Variants in ABCA5 observed in about 807,000 individuals in gnomAD.
The protein encoded by ABCA5 is cholesterol transporter ABCA5.
In ABCA5, 163 loss-of-function variants were observed where a neutral mutation model predicts 206.0. The observed-to-expected ratio is 0.79, with a 90% CI of 0.70 to 0.90. The LOEUF is 0.90. ABCA5 is among the 40% of genes least tolerant of loss of function. The pLI, the probability that ABCA5 is intolerant of heterozygous loss-of-function variation, is 0.00. For synonymous variants in ABCA5, 609 were observed against 613.8 expected (o/e 0.99, Z 0.11); for missense variants, 1,859 against 1,912.9 (o/e 0.97, Z 0.53).
At position 69,286,209 on chromosome 17, in the gene ABCA5, A is replaced by G; in HGVS notation, c.2132+12T>C. On this transcript the variant is annotated intron_variant, in intron 16 of 38. Transcript: ENST00000392676. ...TATAATATAGAATAATGTCAATAAA[A>G]ATGAATGATACCTCAGGCGGTAGCC... is the stretch of plus-strand genomic sequence containing the variant. 1 of 1,599,846 alleles carries G rather than the reference A, an allele frequency of 6.3e-7. No homozygotes were observed. Among genetic ancestry groups the G allele is most frequent in the South Asian group, 1.1e-5 (1 of 88,398 alleles).
chr17:69,279,572 C>A (rs2075369308), intron 18 of ABCA5, among the ~76,000 whole-genome samples: 1 of 151,794 alleles, frequency 6.6e-6, no homozygotes, highest in African/African-American at 2.4e-5. Flanking sequence ...CCCGCATCGC[C>A]AAGTCAATCC....
At chr17:69,254,649 G>C (rs1376982483) in intron 31 of ABCA5, among the ~76,000 whole-genome samples, 159 bp from the exon 32 acceptor site, 1 of 151,958 alleles carries the variant, frequency 6.6e-6, no homozygotes, top group East Asian at 1.9e-4. Flanking sequence ...AAGTAACTGA[G>C]ACTACAAACA....
intron 9 of ABCA5, among the ~76,000 whole-genome samples, chr17:69,300,171 G>A (rs867552836): frequency 1.3e-5 from 2 of 152,216 alleles, no homozygotes; most frequent in Non-Finnish European, 2.9e-5. Flanking sequence ...CCATCTGGGG[G>A]TGATGGGAGA....
Position 69,326,883 on chromosome 17 carries a change from G to A in ABCA5, c.-16+169C>T, listed in dbSNP as rs2075900166. On this transcript the variant is annotated intron_variant, in intron 1 of 38. Transcript: ENST00000392676. The surrounding 1 kb of genome is among the most constrained non-coding windows in gnomAD (Gnocchi z 4.8). ...GGAGGTCTGTTTCCCTCAGCTCGCC[G>A]CCTCTGCCCGCTTCCGAGCCCGCTT... Among the ~76,000 whole-genome samples, 1 of 151,916 alleles carries A rather than the reference G, an allele frequency of 6.6e-6. No individual in the cohort carries two copies. Among genetic ancestry groups the A allele is most frequent in the Non-Finnish European group, 1.5e-5 (1 of 67,940 alleles).
chr17:69,293,833 G>GGTGT (rs61315865), intron 11 of ABCA5, among the ~76,000 whole-genome samples: 14,155 of 123,004 alleles, frequency 0.12, 711 homozygotes, highest in Non-Finnish European at 0.13. Context: ...CAATCATACT[G>GGTGT]GTGTGTGTGT....
chr17:69,269,648 G>C (rs1419801169), intron 22 of ABCA5, among the ~76,000 whole-genome samples: 1 of 152,104 alleles, frequency 6.6e-6, no homozygotes, highest in Admixed American at 6.5e-5. Context: ...TAACCCAAAT[G>C]CCATCAACTG....
chr17:69,292,040 T>G (rs1275468603), intron 11 of ABCA5, among the ~76,000 whole-genome samples: 4 of 152,054 alleles, frequency 2.6e-5, no homozygotes, highest in Non-Finnish European at 5.9e-5. Flanking sequence ...GCTTGGGAAG[T>G]CAGGGCTATG....
At chr17:69,276,628 G>C (rs932051212) in intron 19 of ABCA5, among the ~76,000 whole-genome samples, 31 of 152,082 alleles carry the variant, frequency 2.0e-4, no homozygotes, top group Non-Finnish European at 4.6e-4. Context: ...CACAAGGAGG[G>C]GAACATCACA....
intron 1 of ABCA5, among the ~76,000 whole-genome samples, chr17:69,321,209 A>G (rs2075862548): frequency 6.6e-6 from 1 of 152,018 alleles, no homozygotes; most frequent in African/African-American, 2.4e-5. Context: ...CCAAAACTAA[A>G]GGGTTAATAT....
Position 69,286,050 on chromosome 17 carries a change from A to G in ABCA5, c.2133-13T>C, listed in dbSNP as rs1239211992. ...GTCTATGTACATGCTAGAGAATACC[A>G]AAAATCACAATTAATGATTATACAA... is the stretch of plus-strand genomic sequence containing the variant. On this transcript the variant is annotated splice_polypyrimidine_tract_variant and intron_variant, in intron 16 of 38. Coordinates refer to ENST00000392676, the MANE Select transcript of ABCA5 (RefSeq NM_172232.4). 6.3e-7 allele frequency: 1 copy of G among 1,596,800 alleles called. No individual in the cohort carries two copies. Among genetic ancestry groups the G allele is most frequent in the Non-Finnish European group, 8.5e-7 (1 of 1,175,496 alleles).
intron 35 of ABCA5, 133 bp downstream of exon 35, chr17:69,251,614 T>C: frequency 3.3e-6 from 4 of 1,216,284 alleles, no homozygotes; most frequent in Non-Finnish European, 4.4e-6. Flanking sequence ...CAAGTCAATC[T>C]ATCAAAAGCT....
intron 22 of ABCA5, among the ~76,000 whole-genome samples, chr17:69,268,298 C>G (rs898819654): frequency 6.6e-6 from 1 of 152,072 alleles, no homozygotes; most frequent in African/African-American, 2.4e-5. Context: ...AATCATTTTA[C>G]TTTCATTTTC....
chr17:69,275,837 T>C (rs2075325750), intron 19 of ABCA5, among the ~76,000 whole-genome samples: 1 of 152,126 alleles, frequency 6.6e-6, no homozygotes, highest in Admixed American at 6.5e-5. Context: ...GGGGTCCCCA[T>C]GATGGGATTA....
chr17:69,301,011 A>C, intron 9 of ABCA5, 128 bp downstream of exon 9: 1 of 754,010 alleles, frequency 1.3e-6, no homozygotes, highest in Non-Finnish European at 2.0e-6. Context: ...AGTCAAATTA[A>C]AAGCTTTAAC....
chr17:69,267,720 T>C (rs2075226301), intron 23 of ABCA5, among the ~76,000 whole-genome samples: 1 of 152,110 alleles, frequency 6.6e-6, no homozygotes, highest in Non-Finnish European at 1.5e-5. Flanking sequence ...TACCTCACAA[T>C]GTTGTGAGAA....
chr17:69,316,438 G>A (rs946656058), intron 1 of ABCA5, among the ~76,000 whole-genome samples: 3 of 151,552 alleles, frequency 2.0e-5, no homozygotes, highest in African/African-American at 7.3e-5. Flanking sequence ...AGTGAGCCCA[G>A]ATTGTTCCAC....
chr17:69,294,521 CA>C (rs951737493), intron 11 of ABCA5, 133 bp downstream of exon 11: 191 of 842,140 alleles, frequency 2.3e-4, no homozygotes, highest in South Asian at 2.4e-4. Context: ...GACTCCATCT[CA>C]AAAAAAATAA....
intron 1 of ABCA5, 169 bp from the exon 2 acceptor site, chr17:69,314,599 C>T: frequency 2.0e-6 from 1 of 507,760 alleles, no homozygotes; most frequent in South Asian, 3.1e-5. Flanking sequence ...AGCAATCTGT[C>T]AGCTCTGAAA....
At chr17:69,285,857 G>A (rs371216724) in intron 17 of ABCA5, 41 bp downstream of exon 17, 11 of 1,568,934 alleles carry the variant, frequency 7.0e-6, no homozygotes, top group Non-Finnish European at 9.5e-6. Context: ...CCCAATATAG[G>A]ATCCCAGTTC....
Sources: allele counts gnomAD v4.1 joint callset (sites outside exome capture counted in the v4.1 genomes callset), GRCh38; gene constraint gnomAD v4.1.1; non-coding constraint Gnocchi (gnomAD v3.1); transcripts MANE v1.5; gene names NCBI Gene and HGNC (gene_info 2026-07-23, HGNC 2026-07-21).